PKD1L3: variants seen among roughly 807,000 people sequenced by gnomAD.
The protein encoded by PKD1L3 is polycystin 1 like 3, transient receptor potential channel interacting.
A neutral mutation model predicts 184.1 loss-of-function variants in PKD1L3; 239 were observed. The ratio of observed to expected loss-of-function variants is 1.30; its 90% CI spans 1.17 to 1.45. The LOEUF (loss-of-function observed/expected upper bound fraction) is 1.45. Among genes scored for constraint, PKD1L3 ranks in the 40% most tolerant of loss-of-function variants. The pLI, the probability that PKD1L3 is intolerant of heterozygous loss-of-function variation, is 0.00. For missense variants in PKD1L3, 2,660 were observed against 2,067.2 expected (o/e 1.29, Z -5.56); for synonymous variants, 996 against 778.8 (o/e 1.28, Z -4.64).
chr16:71,981,756 G>T (rs1015491540), intron 7 of PKD1L3, among the ~76,000 whole-genome samples: 2 of 152,052 alleles, frequency 1.3e-5, no homozygotes, highest in African/African-American at 4.8e-5. Flanking sequence ...GGCCAGGCTG[G>T]TCTCGAACTC....
At chr16:71,964,574 C>T (rs1597331046) in intron 15 of PKD1L3, among the ~76,000 whole-genome samples, 1 of 151,576 alleles carries the variant, frequency 6.6e-6, no homozygotes, top group Non-Finnish European at 1.5e-5. Flanking sequence ...CTCCTGACCT[C>T]GTGATCTGCC....
At position 71,986,436 on chromosome 16, in the gene PKD1L3, G is replaced by A. The variant is rs1273568233; in HGVS notation, c.619C>T (p.Pro207Ser). The change falls in exon 5 of 30, where the codon CCT (proline) becomes TCT (serine). Residue 207 changes from proline (P) to serine (S), a missense_variant. Pro to Ser is a moderately conservative substitution (Grantham distance 74). Transcript: ENST00000620267. Reference protein sequence around the residue: ...KTLCHPISQFPSVLSSITSQV... With the variant: ...KTLCHPISQFSSVLSSITSQV... ...GATGTGATACTTGATAGTACTGAAG[G>A]AAACTGGCTGATGGGATGACACAGG... 1 of 1,551,890 alleles carries A rather than the reference G, an allele frequency of 6.4e-7. No homozygotes were observed. The highest frequency in any genetic ancestry group is 2.0e-5 in the Admixed American group (1 of 51,000).
intron 12 of PKD1L3, among the ~76,000 whole-genome samples, chr16:71,972,895 T>C (rs1380363618): frequency 6.6e-6 from 1 of 152,198 alleles, no homozygotes; most frequent in African/African-American, 2.4e-5. Flanking sequence ...AACAAGGTGA[T>C]AATTACAAAA....
intron 25 of PKD1L3, 50 bp from the exon 26 acceptor site, chr16:71,935,568 G>A: frequency 6.6e-7 from 1 of 1,508,922 alleles, no homozygotes; most frequent in Non-Finnish European, 9.0e-7. Flanking sequence ...GATTAGCTAG[G>A]TCTCTCCCTG....
intron 15 of PKD1L3, among the ~76,000 whole-genome samples, chr16:71,964,579 T>C (rs2039424690): frequency 6.6e-6 from 1 of 151,862 alleles, no homozygotes; most frequent in African/African-American, 2.4e-5. Flanking sequence ...GACCTCGTGA[T>C]CTGCCCGCCC....
rs1213308160 is a variant in PKD1L3, at chr16:71,942,953, G to A, written c.3931C>T (p.His1311Tyr). The A allele has an allele frequency of 6.4e-7, 1 of 1,551,546 alleles. No individual in the cohort carries two copies. The highest frequency in any genetic ancestry group is 1.2e-5 in the South Asian group (1 of 84,058). Residue 1311 changes from histidine to tyrosine, a missense_variant, in exon 24 of 30, where the codon CAC (histidine) becomes TAC (tyrosine). By Grantham distance (83) the His-to-Tyr change is moderately conservative (BLOSUM62 2). Coordinates refer to ENST00000620267, the MANE Select transcript of PKD1L3 (RefSeq NM_181536.2). ...GAAAATGTCTTCCAGATAGCTTGGT[G>A]GAGGTAAAATCTATTGGAGTTCTTT... The part of the protein sequence containing the change: ...SAKNSNRFYL[H>Y]QAIWKTFSHQ...
At chr16:71,956,064 C>T (rs1039117636) in intron 16 of PKD1L3, among the ~76,000 whole-genome samples, 4 of 151,856 alleles carry the variant, frequency 2.6e-5, no homozygotes, top group African/African-American at 4.8e-5. Context: ...TACCATGTTG[C>T]CCAGGCTGGT....
chr16:71,982,522 T>A (rs1384214081), intron 6 of PKD1L3, among the ~76,000 whole-genome samples: 3 of 152,002 alleles, frequency 2.0e-5, no homozygotes, highest in Admixed American at 2.0e-4. Context: ...TGACCTCAGG[T>A]GATCTTCCTA....
Position 71,952,902 on chromosome 16 carries a change from C to G in PKD1L3, c.3001G>C (p.Val1001Leu). Residue 1001 changes from valine (V) to leucine (L), a missense_variant, in exon 18 of 30, where the codon GTA (valine) becomes CTA (leucine). Physicochemically the swap from Val to Leu is conservative, Grantham distance 32. Transcript: ENST00000620267. ...ASVEPLSATMVVEELKETVRF... is the reference protein window; with the variant it reads ...ASVEPLSATMLVEELKETVRF... The stretch of plus-strand genomic sequence containing the variant: ...TTTGATACCAATCTTACCTCAACTA[C>G]CATTGTGGCAGAGAGAGGCTCAACA... 1 of 1,542,630 alleles carries G rather than the reference C, an allele frequency of 6.5e-7. No individual in the cohort carries two copies. Among genetic ancestry groups the G allele is most frequent in the South Asian group, 1.2e-5 (1 of 82,240 alleles).
At chr16:71,971,734 A>G (rs1215585848) in intron 12 of PKD1L3, among the ~76,000 whole-genome samples, 2 of 152,152 alleles carry the variant, frequency 1.3e-5, no homozygotes, top group Non-Finnish European at 2.9e-5. Context: ...CTGATTATAG[A>G]TTTGCTTGAT....
chr16:71,963,712 G>A (rs1249335830), intron 15 of PKD1L3, among the ~76,000 whole-genome samples: 2 of 152,152 alleles, frequency 1.3e-5, no homozygotes. Flanking sequence ...GAGCCCGGGA[G>A]GTCAAGGCTG....
In PKD1L3 at chr16:71,930,057, G is replaced by A. The variant is rs773882952; in HGVS notation, c.5053C>T (p.Leu1685Phe). ...LMAFGKERKSLKKEAALIDTL... is the reference protein window; with the variant it reads ...LMAFGKERKSFKKEAALIDTL... Reference sequence around the variant, plus strand: ...TTTATCTTTTAGTTACCTACCTTAAGCGACTTTCTTTCTTTTCCAAAGGCC... The same window carrying A: ...TTTATCTTTTAGTTACCTACCTTAAACGACTTTCTTTCTTTTCCAAAGGCC... The change falls in exon 29 of 30, where the codon CTT becomes TTT. Residue 1685 changes from leucine to phenylalanine, a missense_variant. Leu to Phe is a conservative substitution (Grantham distance 22). Transcript: ENST00000620267. 4.5e-6 allele frequency: 7 copies of A among 1,548,654 alleles called. No homozygotes were observed. In the African/African-American group the frequency reaches 8.2e-5, roughly 18 times the overall value.
At chr16:71,941,250 A>T (rs1344072107) in intron 24 of PKD1L3, among the ~76,000 whole-genome samples, 1 of 152,136 alleles carries the variant, frequency 6.6e-6, no homozygotes, top group African/African-American at 2.4e-5. Context: ...GAAGGAAAAA[A>T]ACCACCATAA....
Position 71,933,331 on chromosome 16 carries a change from T to A in PKD1L3, c.4926+89A>T, listed in dbSNP as rs767889892. The A allele has an allele frequency of 9.0e-4, 836 of 930,348 alleles. 2 individuals are homozygous for A. Among genetic ancestry groups the A allele is most frequent in the Non-Finnish European group, 1.3e-3 (768 of 582,582 alleles). 57.6% of individuals were successfully genotyped at this position (930,348 alleles called of 1,614,324 possible). ...TTTCCCCCTTTTCCAGTGTGCAGTG[T>A]ACAGTAGGGGGCTGTTTTCATAAGG... On this transcript the variant is annotated intron_variant, in intron 28 of 29. Coordinates refer to ENST00000620267, the MANE Select transcript of PKD1L3 (RefSeq NM_181536.2).
At chr16:71,959,341 T>G (rs571241976) in intron 16 of PKD1L3, among the ~76,000 whole-genome samples, 1 of 151,930 alleles carries the variant, frequency 6.6e-6, no homozygotes, top group East Asian at 1.9e-4. Context: ...ACCTGGGAGG[T>G]GGAGGTTGTG....
chr16:71,981,382 C>G (rs577120667), intron 7 of PKD1L3, among the ~76,000 whole-genome samples: 67 of 152,216 alleles, frequency 4.4e-4, no homozygotes, highest in African/African-American at 1.2e-3. Context: ...CTTGCCAGTA[C>G]TTGTTATTTT....
chr16:71,980,556 G>A (rs532872072), intron 7 of PKD1L3, among the ~76,000 whole-genome samples: 82 of 152,230 alleles, frequency 5.4e-4, no homozygotes, highest in Admixed American at 2.7e-3. Context: ...CATGGTGGCC[G>A]GGTGTGGTGG....
chr16:71,937,827 T>G (rs1314183408), intron 24 of PKD1L3, among the ~76,000 whole-genome samples: 6 of 152,302 alleles, frequency 3.9e-5, no homozygotes, highest in Non-Finnish European at 4.4e-5. Context: ...GGCTTCAGCC[T>G]CCACCTGGAA....
At position 71,986,225 on chromosome 16, in the gene PKD1L3, CCAG is replaced by C; in HGVS notation, c.827_829del (p.Ser276_Gly277delinsCys). 1 of 1,552,278 alleles carries C rather than the reference CCAG, an allele frequency of 6.4e-7. No individual in the cohort carries two copies. The highest frequency in any genetic ancestry group is 8.7e-7 in the Non-Finnish European group (1 of 1,147,082). On this transcript the variant is annotated inframe_deletion, in exon 5 of 30. Transcript: ENST00000620267. ...ACTTGAATTTCCCATGTTTACCTGACCAGATGCCTTCTGCAATGACACTTGTAG... is the reference window on the plus strand; with the variant it reads ...ACTTGAATTTCCCATGTTTACCTGACATGCCTTCTGCAATGACACTTGTAG...
Sources: allele counts gnomAD v4.1 joint callset (sites outside exome capture counted in the v4.1 genomes callset), GRCh38; gene constraint gnomAD v4.1.1; transcripts MANE v1.5; gene names NCBI Gene and HGNC (gene_info 2026-07-23, HGNC 2026-07-21).